The following MARK3 variants were observed in gnomAD, a reference collection of about 807,000 sequenced individuals.
MARK3 encodes the protein microtubule affinity regulating kinase 3.
A neutral mutation model predicts 90.1 loss-of-function variants in MARK3; 46 were observed. The observed-to-expected ratio is 0.51, with a 90% CI of 0.40 to 0.65. The LOEUF is 0.65. Among genes scored for constraint, MARK3 ranks in the 30% least tolerant of loss-of-function variants. The pLI is 0.00. For missense variants in MARK3, 818 were observed against 947.2 expected, an observed-to-expected ratio of 0.86 and a Z score of 1.79; for synonymous variants, 321 against 332.6, an observed-to-expected ratio of 0.97 and a Z score of 0.38.
At position 103,440,606 on chromosome 14, in the gene MARK3, C is replaced by CA. The variant is rs973455673; in HGVS notation, c.298-8306dup. 1.2e-4 allele frequency among the ~76,000 whole-genome samples: 18 copies of CA among 150,618 alleles called. No individual in the cohort carries two copies. The East Asian group carries it at 2.4e-3, about 20-fold the overall frequency. On this transcript the variant is annotated intron_variant, in intron 3 of 17. Coordinates refer to ENST00000429436, the MANE Select transcript of MARK3 (RefSeq NM_001128918.3). ...AGAGCAAGACTGCATCTCAAAAAAA[C>CA]AAAAAAATTGTGCTATCAATTTGGT...
At chr14:103,431,293 A>G (rs1043355698) in intron 3 of MARK3, among the ~76,000 whole-genome samples, 3 of 152,074 alleles carry the variant, frequency 2.0e-5, no homozygotes, top group Non-Finnish European at 2.9e-5. Context: ...GGGATTTGCC[A>G]TGTTAGCCAG....
intron 12 of MARK3, among the ~76,000 whole-genome samples, chr14:103,468,889 A>G (rs899056246): frequency 5.9e-5 from 9 of 151,346 alleles, no homozygotes; most frequent in African/African-American, 2.2e-4. Flanking sequence ...ACAGCGTTCT[A>G]AAGTGCTAGG....
Position 103,468,125 on chromosome 14 carries a change from T to G in MARK3, c.1203T>G (p.Pro401=), listed in dbSNP as rs774380283. The part of the protein sequence containing the change: ...SDLNNSTGQS[P]HHKVQRSVSS... ...TCAACAACAGTACTGGCCAGTCTCC[T>G]CACCACAAAGTGCAGAGAAGTGTTT... Residue 401 remains proline, a synonymous_variant, in exon 12 of 18, where the codon CCT becomes CCG. Transcript: ENST00000429436. 6.2e-7 allele frequency: 1 copy of G among 1,613,960 alleles called. No individual in the cohort carries two copies. Among genetic ancestry groups the G allele is most frequent in the South Asian group, 1.1e-5 (1 of 91,082 alleles).
chr14:103,465,027 G>T (rs1242342577), intron 7 of MARK3, among the ~76,000 whole-genome samples: 2 of 152,150 alleles, frequency 1.3e-5, no homozygotes, highest in Non-Finnish European at 2.9e-5. Context: ...GAGTGCAGTG[G>T]CACGATCTTG....
At chr14:103,398,560 C>G (rs1466668001) in intron 1 of MARK3, among the ~76,000 whole-genome samples, 1 of 152,134 alleles carries the variant, frequency 6.6e-6, no homozygotes, top group Non-Finnish European at 1.5e-5. Context: ...TTGGTAGAGA[C>G]AGGGTCTTGC....
chr14:103,389,801 G>C (rs1370556905), intron 1 of MARK3, among the ~76,000 whole-genome samples: 1 of 151,176 alleles, frequency 6.6e-6, no homozygotes, highest in Non-Finnish European at 1.5e-5. Flanking sequence ...AAAATTAGCC[G>C]GGTGCGGTGG....
intron 14 of MARK3, among the ~76,000 whole-genome samples, chr14:103,485,063 C>CAAAAAAAAAAAAAAAAAAAAAAAAAA (rs34312214): frequency 7.2e-5 from 7 of 97,746 alleles, no homozygotes; most frequent in East Asian, 2.7e-4. Context: ...ACTAAAAATA[C>CAAAAAAAAAAAAAAAAAAAAAAAAAA]AAAAAAAAAA....
In MARK3 at chr14:103,440,422, C is replaced by T. The variant is rs138118736; in HGVS notation, c.298-8497C>T. Among the ~76,000 whole-genome samples, 146 of 152,276 alleles carry T rather than the reference C, an allele frequency of 9.6e-4. 2 individuals are homozygous for T. In the East Asian group the frequency reaches 0.026, roughly 27 times the overall value. On this transcript the variant is annotated intron_variant, in intron 3 of 17. Coordinates refer to ENST00000429436, the MANE Select transcript of MARK3 (RefSeq NM_001128918.3). ...CAGGTATGCTAATTTATATTTCCAT[C>T]AGTAGTGTGTAAGAGAGCACAAGTA...
intron 14 of MARK3, among the ~76,000 whole-genome samples, chr14:103,487,280 A>G (rs1270375824): frequency 6.6e-6 from 1 of 150,870 alleles, no homozygotes; most frequent in Non-Finnish European, 1.5e-5. Flanking sequence ...GCCTAAGCTC[A>G]GGAGTTCCAG....
chr14:103,412,192 G>A (rs892194361), intron 2 of MARK3: 22 of 1,202,840 alleles, frequency 1.8e-5, no homozygotes, highest in African/African-American at 3.1e-5. Flanking sequence ...GTTTTTTCTC[G>A]AGCAGTGACA....
At chr14:103,491,173 G>C (rs2094009346) in intron 14 of MARK3, 1 of 1,144,688 alleles carries the variant, frequency 8.7e-7, no homozygotes, top group Admixed American at 2.9e-5. Context: ...TTGTGCTGTG[G>C]ATTTTATAGT....
chr14:103,415,831 C>G (rs2091921203), intron 2 of MARK3, among the ~76,000 whole-genome samples: 1 of 152,128 alleles, frequency 6.6e-6, no homozygotes, highest in Non-Finnish European at 1.5e-5. Context: ...CTTTTCTTAT[C>G]CCTCTTTTTC....
chr14:103,468,314 C>CTTCTTTTTTTTTTTTTT (rs1555395510), intron 12 of MARK3, 128 bp downstream of exon 12: 4 of 113,946 alleles, frequency 3.5e-5, no homozygotes, highest in African/African-American at 1.1e-4. Context: ...TTTCTTTCTT[C>CTTCTTTTTTTTTTTTTT]TTTTTTTTTT....
At chr14:103,469,967 A>G (rs11621406) in intron 12 of MARK3, among the ~76,000 whole-genome samples, 146,415 of 151,420 alleles carry the variant, frequency 0.97, 70,956 homozygotes, top group East Asian at 1. Flanking sequence ...AGGCTGAGGT[A>G]GGAGAATCGC....
intron 15 of MARK3, among the ~76,000 whole-genome samples, chr14:103,494,544 C>CAAAAAAA (rs35133138): frequency 3.5e-5 from 3 of 84,618 alleles, no homozygotes; most frequent in African/African-American, 4.7e-5. Context: ...AACTCTGTCT[C>CAAAAAAA]AAAAAAAAAA....
chr14:103,494,045 C>A (rs2075177213), intron 15 of MARK3, among the ~76,000 whole-genome samples: 2 of 150,864 alleles, frequency 1.3e-5, no homozygotes, highest in Admixed American at 1.3e-4. Context: ...ACAGGCCTGG[C>A]CAACATGGCA....
chr14:103,502,537 C>T (rs1213371946), intron 17 of MARK3, among the ~76,000 whole-genome samples: 2 of 152,192 alleles, frequency 1.3e-5, no homozygotes, highest in African/African-American at 4.8e-5. Flanking sequence ...AACTCCTTCC[C>T]TGAGCTGGGC....
chr14:103,387,007 T>C (rs145587509), intron 1 of MARK3, among the ~76,000 whole-genome samples: 36 of 152,354 alleles, frequency 2.4e-4, no homozygotes, highest in Non-Finnish European at 5.1e-4. Context: ...TCAAAAGTGT[T>C]TCAATCTAGT....
intron 15 of MARK3, among the ~76,000 whole-genome samples, chr14:103,493,010 G>T (rs932165546): frequency 6.6e-6 from 1 of 152,250 alleles, no homozygotes; most frequent in African/African-American, 2.4e-5. Context: ...TTTGTCATCT[G>T]TAGCTTACAG....
Sources: gnomAD v4.1 joint callset for allele counts (sites outside exome capture counted in the v4.1 genomes callset) on GRCh38, gnomAD v4.1.1 for gene constraint, MANE v1.5 for transcripts, NCBI Gene and HGNC (gene_info 2026-07-23, HGNC 2026-07-21) for gene names.